The following NEGR1 variants were observed in gnomAD, a reference collection of about 807,000 sequenced individuals.
The protein encoded by NEGR1 is neuronal growth regulator 1, also known as IgLON family member 4.
In NEGR1, 10 loss-of-function variants were observed where a neutral mutation model predicts 40.9. That is an observed-to-expected ratio of 0.24 (90% CI 0.15 to 0.42). The LOEUF (loss-of-function observed/expected upper bound fraction) is 0.42. Among genes scored for constraint, NEGR1 ranks in the 10% least tolerant of loss-of-function variants. The pLI, the probability that NEGR1 is intolerant of heterozygous loss-of-function variation, is 1.00. For synonymous variants in NEGR1, 185 were observed against 166.8 expected, an observed-to-expected ratio of 1.11 and a Z score of -0.84; for missense variants, 352 against 438.9, an observed-to-expected ratio of 0.80 and a Z score of 1.77.
chr1:71,657,640 T>C (rs943327196), intron 4 of NEGR1, among the ~76,000 whole-genome samples: 6 of 152,176 alleles, frequency 3.9e-5, no homozygotes, highest in East Asian at 1.9e-4. Flanking sequence ...AGGCAGCAGA[T>C]GCCAACAAGT....
chr1:71,643,744 T>C (rs1302722026), intron 4 of NEGR1, among the ~76,000 whole-genome samples: 2 of 151,998 alleles, frequency 1.3e-5, no homozygotes, highest in African/African-American at 4.8e-5. Context: ...CTGACTCCAA[T>C]AAGAATTCAG....
chr1:71,863,913 A>T (rs1028251718), intron 2 of NEGR1, among the ~76,000 whole-genome samples: 3 of 152,158 alleles, frequency 2.0e-5, no homozygotes, highest in African/African-American at 7.2e-5. Context: ...TATACATGTT[A>T]TCTTATTGAA....
intron 1 of NEGR1, among the ~76,000 whole-genome samples, chr1:72,166,711 G>A (rs1651778124): frequency 6.6e-6 from 1 of 152,068 alleles, no homozygotes; most frequent in South Asian, 2.1e-4. Context: ...TATAAGAGTT[G>A]TTCTCATAAA....
chr1:71,970,130 C>A (rs1646243260), intron 1 of NEGR1, among the ~76,000 whole-genome samples: 1 of 152,030 alleles, frequency 6.6e-6, no homozygotes, highest in Non-Finnish European at 1.5e-5. Flanking sequence ...AAGGTGAGAC[C>A]AGAAGAACAG....
chr1:71,467,781 C>G (rs74088107), intron 6 of NEGR1, among the ~76,000 whole-genome samples: 4,057 of 152,080 alleles, frequency 0.027, 187 homozygotes, highest in African/African-American at 0.092. Context: ...CAAATGAGCT[C>G]TTGACTTATA....
chr1:71,678,030 T>C (rs1652704244), intron 4 of NEGR1, among the ~76,000 whole-genome samples: 1 of 148,312 alleles, frequency 6.7e-6, no homozygotes, highest in Non-Finnish European at 1.5e-5. Context: ...TTCCATTACT[T>C]TATTTTTTAT....
intron 1 of NEGR1, among the ~76,000 whole-genome samples, chr1:71,984,384 C>A (rs1434078780): frequency 1.3e-5 from 2 of 152,120 alleles, no homozygotes; most frequent in African/African-American, 4.8e-5. Context: ...CTCGGCCCCC[C>A]AAAGTGCTGG....
intron 1 of NEGR1, among the ~76,000 whole-genome samples, chr1:72,206,445 G>C (rs535816849): frequency 6.6e-6 from 1 of 152,056 alleles, no homozygotes; most frequent in Non-Finnish European, 1.5e-5. Flanking sequence ...GGATGTTAAA[G>C]TGCTTCATAA....
intron 6 of NEGR1, among the ~76,000 whole-genome samples, chr1:71,424,706 C>G: frequency 6.6e-6 from 1 of 152,050 alleles, no homozygotes; most frequent in East Asian, 1.9e-4. Context: ...CTGAGGGGCC[C>G]CCATGTGTTA....
At chr1:71,513,981 G>A (rs1256153685) in intron 6 of NEGR1, among the ~76,000 whole-genome samples, 3 of 130,138 alleles carry the variant, frequency 2.3e-5, no homozygotes, top group South Asian at 2.9e-4. Flanking sequence ...CTGGAAAATC[G>A]GGTCACTCCC....
intron 1 of NEGR1, among the ~76,000 whole-genome samples, chr1:72,142,386 G>A (rs544546281): frequency 2.6e-5 from 4 of 151,934 alleles, no homozygotes; most frequent in African/African-American, 9.6e-5. Context: ...ATAATTTTAA[G>A]TTATAATGAA....
chr1:71,858,842 C>G (rs1659859662), intron 2 of NEGR1, among the ~76,000 whole-genome samples: 1 of 151,992 alleles, frequency 6.6e-6, no homozygotes, highest in African/African-American at 2.4e-5. Context: ...AATATCAGCC[C>G]TATATTATTA....
chr1:71,646,878 A>G lies in NEGR1; in HGVS notation c.668-35732T>C, dbSNP rs146111976. ...AATTGAATTAACAATTCTAACATAA[A>G]TTATTGTCCCTGCATATATTAATAT... On this transcript the variant is annotated intron_variant, in intron 4 of 6. Coordinates refer to ENST00000357731, the MANE Select transcript of NEGR1 (RefSeq NM_173808.3). Among the ~76,000 whole-genome samples, 13 of 151,960 alleles carry G rather than the reference A, an allele frequency of 8.6e-5. No individual in the cohort carries two copies. In the East Asian group the frequency reaches 2.5e-3, roughly 29 times the overall value.
At chr1:71,765,036 G>T (rs1311633042) in intron 3 of NEGR1, among the ~76,000 whole-genome samples, 1 of 151,950 alleles carries the variant, frequency 6.6e-6, no homozygotes, top group African/African-American at 2.4e-5. Context: ...ACCAAAAAAA[G>T]GGCATGGTCA....
intron 2 of NEGR1, among the ~76,000 whole-genome samples, chr1:71,916,422 A>G (rs1038528984): frequency 6.6e-6 from 1 of 152,184 alleles, no homozygotes; most frequent in African/African-American, 2.4e-5. Flanking sequence ...TCATCATGAA[A>G]CACTGAAAAT....
chr1:71,563,388 T>C (rs1648521866), intron 6 of NEGR1, among the ~76,000 whole-genome samples: 1 of 151,968 alleles, frequency 6.6e-6, no homozygotes, highest in African/African-American at 2.4e-5. Context: ...CTCCATGAGC[T>C]AGATCAGAGA....
At chr1:71,563,276 T>A (rs551161538) in intron 6 of NEGR1, among the ~76,000 whole-genome samples, 17 of 152,060 alleles carry the variant, frequency 1.1e-4, no homozygotes, top group Admixed American at 3.3e-4. Flanking sequence ...GAAAGACACA[T>A]CTATGAATTT....
rs568515273 is a variant in NEGR1 at position 72,044,975 on chromosome 1, A to G, written c.177-109664T>C. On this transcript the variant is annotated intron_variant, in intron 1 of 6. Transcript: ENST00000357731. ...AGGGATCAGAAACAGATTTTGTAGA[A>G]TTATAGGGCTTTTTCCCTCTGACAT... Among the ~76,000 whole-genome samples the G allele has an allele frequency of 1.2e-4, 18 of 151,904 alleles. No homozygotes were observed. The South Asian group carries it at 3.7e-3, about 31-fold the overall frequency.
At chr1:71,666,320 C>A (rs1038021640) in intron 4 of NEGR1, among the ~76,000 whole-genome samples, 1 of 152,076 alleles carries the variant, frequency 6.6e-6, no homozygotes, top group Non-Finnish European at 1.5e-5. Context: ...GGGTCTCAAA[C>A]GAAAATAATT....
Sources: gnomAD v4.1 joint callset for allele counts (sites outside exome capture counted in the v4.1 genomes callset) on GRCh38, gnomAD v4.1.1 for gene constraint, MANE v1.5 for transcripts, NCBI Gene and HGNC (gene_info 2026-07-23, HGNC 2026-07-21) for gene names.